Variants in SEM1 observed in about 807,000 individuals in gnomAD.
The protein encoded by SEM1 is SEM1 26S proteasome subunit.
In SEM1, 3 loss-of-function variants were observed where a neutral mutation model predicts 12.7. The ratio of observed to expected loss-of-function variants is 0.24; its 90% CI spans 0.11 to 0.61. The LOEUF (loss-of-function observed/expected upper bound fraction) is 0.61, where lower values mean the gene tolerates loss of function less well. Ranked by LOEUF, SEM1 falls within the 20% of genes least tolerant of loss-of-function variation. The probability of loss-of-function intolerance (pLI) is 0.88; values close to 1 mark genes in which losing one functional copy is unlikely to be tolerated. For missense variants in SEM1, 59 were observed against 81.3 expected, an observed-to-expected ratio of 0.73 and a Z score of 1.06; for synonymous variants, 30 against 27.8, an observed-to-expected ratio of 1.08 and a Z score of -0.25.
intron 2 of SEM1, among the ~76,000 whole-genome samples, chr7:96,510,456 C>A (rs939207991): frequency 2.6e-5 from 4 of 152,114 alleles, no homozygotes; most frequent in African/African-American, 9.7e-5. Flanking sequence ...ATTTGTGTAT[C>A]TAAACATATC....
intron 2 of SEM1, among the ~76,000 whole-genome samples, chr7:96,519,729 C>T (rs1202130996): frequency 6.6e-6 from 1 of 152,012 alleles, no homozygotes; most frequent in African/African-American, 2.4e-5. Flanking sequence ...AACCAGTGTC[C>T]TGAAAAGATC....
chr7:96,653,137 T>C (rs1809054740), intron 2 of SEM1, among the ~76,000 whole-genome samples: 1 of 152,230 alleles, frequency 6.6e-6, no homozygotes, highest in African/African-American at 2.4e-5. Context: ...AGTCACACAA[T>C]AGTAAATGGT....
chr7:96,619,356 G>A (rs946299076), downstream of SEM1, among the ~76,000 whole-genome samples: 5 of 152,070 alleles, frequency 3.3e-5, no homozygotes, highest in African/African-American at 7.2e-5. Flanking sequence ...CTTCTTCAGC[G>A]GTACACAGGA....
chr7:96,603,867 A>G (rs1218679914), intron 2 of SEM1, among the ~76,000 whole-genome samples: 1 of 131,338 alleles, frequency 7.6e-6, no homozygotes, highest in Non-Finnish European at 1.6e-5. Flanking sequence ...TTTAATGAAC[A>G]TTGAAAGTTA....
chr7:96,573,308 G>C (rs1308915190), intron 2 of SEM1, among the ~76,000 whole-genome samples: 1 of 152,118 alleles, frequency 6.6e-6, no homozygotes, highest in Non-Finnish European at 1.5e-5. Context: ...ATTGTTAAGT[G>C]TGAATTTGAT....
chr7:96,572,712 A>G (rs1300190991), intron 2 of SEM1, among the ~76,000 whole-genome samples: 1 of 152,142 alleles, frequency 6.6e-6, no homozygotes, highest in Non-Finnish European at 1.5e-5. Flanking sequence ...TTATGTGGTC[A>G]TTTTTAGAAT....
chr7:96,526,171 A>T (rs917412634), intron 2 of SEM1, among the ~76,000 whole-genome samples: 1 of 152,128 alleles, frequency 6.6e-6, no homozygotes, highest in African/African-American at 2.4e-5. Context: ...AAATAATATC[A>T]CTCACCATTA....
At chr7:96,671,707 C>G (rs1181993715), downstream of SEM1, among the ~76,000 whole-genome samples, 5 of 152,068 alleles carry the variant, frequency 3.3e-5, no homozygotes, top group Admixed American at 6.6e-5. Flanking sequence ...AGCATCCTAC[C>G]CTGGAGAAAC....
intron 1 of SEM1, among the ~76,000 whole-genome samples, chr7:96,704,520 T>G (rs1283784028): frequency 1.3e-5 from 2 of 152,198 alleles, no homozygotes; most frequent in African/African-American, 4.8e-5. Flanking sequence ...AGATTCATCA[T>G]GCTTATTCTA....
At chr7:96,577,272 A>G (rs1402606261) in intron 2 of SEM1, among the ~76,000 whole-genome samples, 1 of 152,160 alleles carries the variant, frequency 6.6e-6, no homozygotes, top group Admixed American at 6.5e-5. Flanking sequence ...CTGGTGGCCT[A>G]GAGCTTGGGC....
Position 96,492,484 on chromosome 7 carries a change from A to G in SEM1, c.12+3800T>C, listed in dbSNP as rs888880970. On this transcript the variant is annotated intron_variant, in intron 1 of 3. Transcript: ENST00000356686. ...GAGTGCAGTGGCGTGTTCACAGCTC[A>G]CTGGAGCCTTGACCTCCCAGGCCCA... Among the ~76,000 whole-genome samples the G allele has an allele frequency of 6.6e-5, 10 of 151,242 alleles. No homozygotes were observed. The South Asian group carries it at 1.9e-3, about 28-fold the overall frequency.
At chr7:96,529,031 C>T (rs1253888862) in intron 2 of SEM1, among the ~76,000 whole-genome samples, 1 of 152,064 alleles carries the variant, frequency 6.6e-6, no homozygotes, top group African/African-American at 2.4e-5. Flanking sequence ...TATCCTGCAA[C>T]TCATTTTGGT....
intron 2 of SEM1, among the ~76,000 whole-genome samples, chr7:96,588,787 A>G (rs1332581722): frequency 6.6e-6 from 1 of 152,182 alleles, no homozygotes; most frequent in Non-Finnish European, 1.5e-5. Context: ...GTAAAGAAAG[A>G]AAGAAATATA....
downstream of SEM1, among the ~76,000 whole-genome samples, chr7:96,683,934 G>A (rs1009130041): frequency 1.3e-5 from 2 of 151,938 alleles, no homozygotes; most frequent in Non-Finnish European, 2.9e-5. Context: ...GTAGATGATG[G>A]GTTGATGGGT....
At chr7:96,631,871 A>G (rs1808272748) in intron 2 of SEM1, among the ~76,000 whole-genome samples, 1 of 152,208 alleles carries the variant, frequency 6.6e-6, no homozygotes, top group Non-Finnish European at 1.5e-5. Context: ...AAAAACAAAC[A>G]ATGCCATCAA....
At chr7:96,489,462 C>T (rs950161680) in intron 1 of SEM1, among the ~76,000 whole-genome samples, 1 of 152,158 alleles carries the variant, frequency 6.6e-6, no homozygotes, top group South Asian at 2.1e-4. Context: ...AGCCACCAAT[C>T]TAGAGTGATG....
At chr7:96,494,022 T>A (rs541784561) in intron 1 of SEM1, among the ~76,000 whole-genome samples, 1 of 152,268 alleles carries the variant, frequency 6.6e-6, no homozygotes, top group South Asian at 2.1e-4. Context: ...TGCTGGCTCA[T>A]GAAATAAGAC....
intron 1 of SEM1, chr7:96,697,073 C>T (rs1790120376): frequency 6.6e-6 from 1 of 151,750 alleles, no homozygotes; most frequent in African/African-American, 2.4e-5. Flanking sequence ...ATACACTTTA[C>T]CTTAAACACT....
intron 2 of SEM1, among the ~76,000 whole-genome samples, chr7:96,515,512 A>C (rs894030692): frequency 3.3e-5 from 5 of 152,188 alleles, no homozygotes; most frequent in African/African-American, 1.2e-4. Flanking sequence ...TTGACCCAGC[A>C]ATCCCATTAC....
Sources: gnomAD v4.1 joint callset for allele counts (sites outside exome capture counted in the v4.1 genomes callset) on GRCh38, gnomAD v4.1.1 for gene constraint, MANE v1.5 for transcripts, NCBI Gene and HGNC (gene_info 2026-07-23, HGNC 2026-07-21) for gene names.